The following SMG1 variants were observed in gnomAD, a reference collection of about 807,000 sequenced individuals.
The protein encoded by SMG1 is SMG1 nonsense mediated mRNA decay associated PI3K related kinase.
Under a neutral mutation model 419.9 loss-of-function variants are expected in SMG1, and 22 were observed. That is an observed-to-expected ratio of 0.05 (90% CI 0.04 to 0.07). The LOEUF (loss-of-function observed/expected upper bound fraction) is 0.07. Among genes scored for constraint, SMG1 ranks in the 10% least tolerant of loss-of-function variants. The pLI is 1.00. For synonymous variants in SMG1, 1,538 were observed against 1,553.5 expected, an observed-to-expected ratio of 0.99 and a Z score of 0.23; for missense variants, 3,185 against 4,342.0, an observed-to-expected ratio of 0.73 and a Z score of 7.49.
chr16:18,848,170 T>TTA, intron 36 of SMG1, 137 bp from the exon 37 acceptor site: 1 of 685,862 alleles, frequency 1.5e-6, no homozygotes, highest in Admixed American at 2.8e-5. Flanking sequence ...ATAGAACTGA[T>TTA]TAAAGATTGT....
At chr16:18,864,786 T>A (rs1306729143) in intron 23 of SMG1, among the ~76,000 whole-genome samples, 2 of 151,918 alleles carry the variant, frequency 1.3e-5, no homozygotes, top group Admixed American at 6.6e-5. Context: ...CCCAAAGGAG[T>A]CTTATTTTAA....
At chr16:18,877,105 A>G (rs1330475871) in intron 12 of SMG1, 26 bp downstream of exon 12, 6 of 1,512,774 alleles carry the variant, frequency 4.0e-6, no homozygotes, top group African/African-American at 1.4e-5. Context: ...CAAGTTGTCA[A>G]AATTCATTAT....
chr16:18,925,952 G>C lies in SMG1; in HGVS notation c.90C>G (p.Pro30=). 1 of 1,559,508 alleles carries C rather than the reference G, an allele frequency of 6.4e-7. No homozygotes were observed. Among genetic ancestry groups the C allele is most frequent in the Non-Finnish European group, 8.6e-7 (1 of 1,159,066 alleles). The change falls in exon 1 of 63, where the codon CCC becomes CCG. Residue 30 remains proline (P), a splice_region_variant and synonymous_variant. Transcript: ENST00000446231. ...GGGGTCCCGGGCCGGTCACCCACCT[G>C]GGTTGCCAGTCATTCCAGCTCCGCG... ...KYPRSWNDWQ[P]RTDSASADPD... is the part of the protein sequence containing the mutation.
At chr16:18,849,537 A>T (rs1043457617) in intron 35 of SMG1, among the ~76,000 whole-genome samples, 159 bp from the exon 36 acceptor site, 1 of 152,224 alleles carries the variant, frequency 6.6e-6, no homozygotes, top group Non-Finnish European at 1.5e-5. Flanking sequence ...AACCATACAC[A>T]ATAGTTCTTG....
chr16:18,814,502 G>A (rs1002061791), intron 60 of SMG1, among the ~76,000 whole-genome samples: 5 of 151,730 alleles, frequency 3.3e-5, no homozygotes, highest in East Asian at 1.9e-4. Context: ...TTGAGACTCC[G>A]CCTCAAACAA....
intron 54 of SMG1, 68 bp downstream of exon 54, chr16:18,829,218 A>T (rs2032990322): frequency 7.5e-7 from 1 of 1,335,354 alleles, no homozygotes; most frequent in Admixed American, 2.6e-5. Flanking sequence ...TATTGTTTTA[A>T]ATTAATTTCC....
rs554442946 is a variant in SMG1 at position 18,869,957 on chromosome 16, C to G, written c.2530G>C (p.Ala844Pro). ...NHTEIQEISL[A>P]LRSHMSKAPS... is the part of the protein sequence containing the mutation. ...GCTTTACTCATGTGACTTCTTAATG[C>G]TAAAGAAATTTCTTGAATTTCTGTG... Residue 844 changes from alanine to proline, a missense_variant, in exon 19 of 63, where the codon GCA becomes CCA. Physicochemically the swap from Ala to Pro is conservative, Grantham distance 27. Transcript: ENST00000446231. The G allele has an allele frequency of 3.9e-6, 6 of 1,534,992 alleles. No homozygotes were observed. Among genetic ancestry groups the G allele is most frequent in the Non-Finnish European group, 5.3e-6 (6 of 1,139,654 alleles).
At chr16:18,921,595 C>CAAAACCGCAAT (rs2142030627) in intron 1 of SMG1, among the ~76,000 whole-genome samples, 1 of 151,854 alleles carries the variant, frequency 6.6e-6, no homozygotes, top group African/African-American at 2.4e-5. Context: ...CGGTTTTTGC[C>CAAAACCGCAAT]AAAACCGCAA....
chr16:18,817,727 TTTTACATA>T (rs2032140653), intron 56 of SMG1, among the ~76,000 whole-genome samples: 3 of 152,150 alleles, frequency 2.0e-5, no homozygotes, highest in Admixed American at 2.0e-4. Flanking sequence ...ACATTACTGT[TTTTACATA>T]GAATATTTAC....
chr16:18,873,684 A>G (rs2035947882), intron 13 of SMG1, among the ~76,000 whole-genome samples: 1 of 152,358 alleles, frequency 6.6e-6, no homozygotes, highest in African/African-American at 2.4e-5. Context: ...GTCTAAACAA[A>G]GCCCTCTGTA....
At chr16:18,848,842 G>GC (rs1216028443) in intron 36 of SMG1, among the ~76,000 whole-genome samples, 7 of 151,682 alleles carry the variant, frequency 4.6e-5, no homozygotes, top group African/African-American at 2.4e-5. Flanking sequence ...GGAGGCCGAG[G>GC]CAAGTGGATC....
intron 39 of SMG1, among the ~76,000 whole-genome samples, chr16:18,844,570 T>TCTCACACACACACACACACACACA (rs148412501): frequency 2.3e-5 from 2 of 88,522 alleles, no homozygotes; most frequent in African/African-American, 5.7e-5. Context: ...CATCCTTCTC[T>TCTCACACACACACACACACACACA]CACACACACA....
chr16:18,839,836 A>T lies in SMG1; in HGVS notation c.6807T>A (p.Asp2269Glu). Residue 2269 changes from aspartate (D) to glutamate (E), a missense_variant, in exon 42 of 63, where the codon GAT becomes GAA. Asp to Glu is a conservative substitution (Grantham distance 45). Around this residue, in one of 27 missense-constraint regions of SMG1, gnomAD observed 132 missense variants for 151.0 expected, o/e 0.87. Transcript: ENST00000446231. ...GAAGAGGCCAATCCCGACGGGACAC[A>T]TCCAGGCTAAGCCCAACTGTTTTCA... The part of the protein sequence containing the change: ...PALKTVGLSL[D>E]VSRRDWPLHV... 6.2e-7 allele frequency: 1 copy of T among 1,613,982 alleles called. No homozygotes were observed. The highest frequency in any genetic ancestry group is 1.1e-5 in the South Asian group (1 of 91,070).
In SMG1 at chr16:18,926,163, AG is replaced by A. The variant is rs2038400204; in HGVS notation, c.-123del. ...GCTGAGGAGGAAGCCGAGAAGGAGG[AG>A]GAGGAGGAGGAGGAGGAGAAGGAGG... is the stretch of plus-strand genomic sequence containing the variant. On this transcript the variant is annotated 5_prime_UTR_variant, in exon 1 of 63. Coordinates refer to ENST00000446231, the MANE Select transcript of SMG1 (RefSeq NM_015092.5). 3 of 729,928 alleles carry A rather than the reference AG, an allele frequency of 4.1e-6. No homozygotes were observed. The highest frequency in any genetic ancestry group is 3.3e-5 in the Admixed American group (1 of 29,898). 45.2% of individuals were successfully genotyped at this position (729,928 alleles called of 1,614,324 possible).
Position 18,829,932 on chromosome 16 carries a change from A to C in SMG1, c.9127T>G (p.Leu3043Val). The C allele has an allele frequency of 6.5e-7, 1 of 1,547,918 alleles. No homozygotes were observed. The highest frequency in any genetic ancestry group is 8.7e-7 in the Non-Finnish European group (1 of 1,149,754). Reference protein sequence around the residue: ...FRLCGTFSKTLSGSSSLEDQN... With the variant: ...FRLCGTFSKTVSGSSSLEDQN... The stretch of plus-strand genomic sequence containing the variant: ...TTTACAGGTAGAATATTACCTGACA[A>C]TGTTTTAGAAAAGGTACCACAGAGC... Residue 3043 changes from leucine (L) to valine (V), a missense_variant, in exon 53 of 63, where the codon TTG becomes GTG. Physicochemically the swap from Leu to Val is conservative, Grantham distance 32. Around this residue, in one of 27 missense-constraint regions of SMG1, gnomAD observed 737 missense variants for 846.6 expected, o/e 0.87. Transcript: ENST00000446231.
rs567815925 is a variant in SMG1, at chr16:18,808,582, A to T, written c.*987T>A. 6.6e-6 allele frequency: 1 copy of T among 152,586 alleles called. No homozygotes were observed. The highest frequency in any genetic ancestry group is 2.4e-5 in the African/African-American group (1 of 41,588). The allele number at this position is 152,586 out of a possible 1,614,324, so 9.5% of individuals were successfully genotyped here. On this transcript the variant is annotated 3_prime_UTR_variant, in exon 63 of 63. Coordinates refer to ENST00000446231, the MANE Select transcript of SMG1 (RefSeq NM_015092.5). ...AAACTACAGCTATCACAGAAGAGGG[A>T]AAATTTGAATGACCTCCAAAAAAAA...
chr16:18,884,446 C>A (rs2036533140), intron 8 of SMG1, among the ~76,000 whole-genome samples: 1 of 152,144 alleles, frequency 6.6e-6, no homozygotes, highest in African/African-American at 2.4e-5. Context: ...TGTCACTACA[C>A]ATGACTTAAG....
rs1235803106 is a variant in SMG1, at chr16:18,808,871, A to C, written c.*698T>G. 1.3e-5 allele frequency: 2 copies of C among 152,640 alleles called. No homozygotes were observed. The highest frequency in any genetic ancestry group is 1.9e-4 in the East Asian group (1 of 5,202). 9.5% of individuals were successfully genotyped at this position (152,640 alleles called of 1,614,324 possible). A position where few individuals can be genotyped will look rare whatever the true frequency, so the allele number is the denominator to read the frequency against. ...ATAAAAGTGAATTTGAAAGATGGCT[A>C]ATCTACTAGATTAGGTAAAGGGGGA... is the stretch of plus-strand genomic sequence containing the variant. On this transcript the variant is annotated 3_prime_UTR_variant, in exon 63 of 63. Transcript: ENST00000446231.
At chr16:18,867,707 T>TC in intron 22 of SMG1, among the ~76,000 whole-genome samples, 1 of 128,550 alleles carries the variant, frequency 7.8e-6, no homozygotes, top group Non-Finnish European at 1.6e-5. Flanking sequence ...CTTCTTTTTT[T>TC]TTTTTTTTTT....
Sources: allele counts gnomAD v4.1 joint callset (sites outside exome capture counted in the v4.1 genomes callset), GRCh38; gene constraint gnomAD v4.1.1; regional missense constraint gnomAD v4.1.1; transcripts MANE v1.5; gene names NCBI Gene and HGNC (gene_info 2026-07-23, HGNC 2026-07-21).